The following TTN variants were observed in gnomAD, a reference collection of about 807,000 sequenced individuals.
TTN encodes connectin.
In TTN, 1,525 loss-of-function variants were observed where a neutral mutation model predicts 3,223.0. That is an observed-to-expected ratio of 0.47 (90% CI 0.45 to 0.49). The LOEUF (loss-of-function observed/expected upper bound fraction) is 0.49. Among genes scored for constraint, TTN ranks in the 20% least tolerant of loss-of-function variants. TTN has a pLI of 0.00. For synonymous variants in TTN, 14,094 were observed against 15,161.0 expected (o/e 0.93, Z 5.17); for missense variants, 40,786 against 43,424.0 (o/e 0.94, Z 5.40).
chr2:178,733,190 T>G, intron 54 of TTN, 49 bp downstream of exon 54: 2 of 1,555,924 alleles, frequency 1.3e-6, no homozygotes. Flanking sequence ...TTTAGGCCAT[T>G]TGTTGGGTTT....
At position 178,618,425 on chromosome 2, in the gene TTN, C is replaced by A; in HGVS notation, c.47033G>T (p.Trp15678Leu). 1 of 1,612,472 alleles carries A rather than the reference C, an allele frequency of 6.2e-7. No individual in the cohort carries two copies. The highest frequency in any genetic ancestry group is 8.5e-7 in the Non-Finnish European group (1 of 1,179,132). The stretch of plus-strand genomic sequence containing the variant: ...TCCACCATCAGTTAAAGGTTCTTCC[C>A]AAGCAAGGCTCACTTCACCATCAAA... ...ETFDGEVSLA[W>L]EEPLTDGGSK... The change falls in exon 252 of 363, where the codon TGG becomes TTG. Residue 15678 changes from tryptophan (W) to leucine (L), a missense_variant. Trp to Leu is a moderately conservative substitution (Grantham distance 61, BLOSUM62 -2). Coordinates refer to ENST00000589042, the MANE Select transcript of TTN (RefSeq NM_001267550.2).
Position 178,740,536 on chromosome 2 carries a change from C to T in TTN, c.12697G>A (p.Val4233Ile), listed in dbSNP as rs2082308833. 1 of 1,613,794 alleles carries T rather than the reference C, an allele frequency of 6.2e-7. No homozygotes were observed. The highest frequency in any genetic ancestry group is 8.5e-7 in the Non-Finnish European group (1 of 1,179,812). The part of the protein sequence containing the change: ...HSYLTSVAEE[V>I]LSPKEKTVSD... Reference sequence around the variant, plus strand: ...ACTGTCTTTTCTTTTGGTGAAAGTACTTCCTCAGCCACAGAGGTTAGATAA... The same window carrying T: ...ACTGTCTTTTCTTTTGGTGAAAGTATTTCCTCAGCCACAGAGGTTAGATAA... Residue 4233 changes from valine (V) to isoleucine (I), a missense_variant, in exon 48 of 363, where the codon GTA (valine) becomes ATA (isoleucine). Physicochemically the swap from Val to Ile is conservative, Grantham distance 29. Transcript: ENST00000589042.
At position 178,679,999 on chromosome 2, in the gene TTN, C is replaced by T. The variant is rs2068977836; in HGVS notation, c.33475G>A (p.Val11159Ile). Reference protein sequence around the residue: ...PEEVAFEEEVVTHVEEYLVEE... With the variant: ...PEEVAFEEEVITHVEEYLVEE... ...ACAAGATATTCTTCTACATGGGTTA[C>T]AACTTCCTCTTCAAAGGCAACCTCT... Residue 11159 changes from valine (V) to isoleucine (I), a missense_variant, in exon 140 of 363, where the codon GTA becomes ATA. By Grantham distance (29) the Val-to-Ile change is conservative. Coordinates refer to ENST00000589042, the MANE Select transcript of TTN (RefSeq NM_001267550.2). The T allele has an allele frequency of 6.2e-7, 1 of 1,613,218 alleles. No individual in the cohort carries two copies. Among genetic ancestry groups the T allele is most frequent in the Non-Finnish European group, 8.5e-7 (1 of 1,179,444 alleles).
Position 178,548,877 on chromosome 2 carries a change from C to T in TTN, c.92749G>A (p.Val30917Ile). The change falls in exon 339 of 363, where the codon GTT becomes ATT. Residue 30917 changes from valine (V) to isoleucine (I), a missense_variant. Transcript: ENST00000589042. The surrounding 1 kb of genome is among the most constrained non-coding windows in gnomAD (Gnocchi z 4.3). ...AACTCAGGAGCTGTTAACCGGTCAA[C>T]TGCTTTAATTGTGCCAGTCACTTCA... The part of the protein sequence containing the change: ...SCEVTGTIKA[V>I]DRLTAPELDI... The T allele has an allele frequency of 6.2e-7, 1 of 1,613,778 alleles. No individual in the cohort carries two copies. The highest frequency in any genetic ancestry group is 8.5e-7 in the Non-Finnish European group (1 of 1,179,828).
chr2:178,743,716 C>T (rs377526652), intron 47 of TTN, among the ~76,000 whole-genome samples: 63 of 151,972 alleles, frequency 4.1e-4, no homozygotes, highest in African/African-American at 1.5e-3. Flanking sequence ...CTGAGTTTCT[C>T]GTTAATTTTA....
rs753500475 is a variant in TTN, at chr2:178,678,861, C to T, written c.33743-31G>A. 4 of 1,547,424 alleles carry T rather than the reference C, an allele frequency of 2.6e-6. No homozygotes were observed. The South Asian group carries it at 5.1e-5, about 20-fold the overall frequency. On this transcript the variant is annotated intron_variant, in intron 142 of 362. Coordinates refer to ENST00000589042, the MANE Select transcript of TTN (RefSeq NM_001267550.2). ...AAGATATCAAATAGAGTTAGTGTCA[C>T]ATTTTTTACCCATAGCTAAGATTTT... is the stretch of plus-strand genomic sequence containing the variant.
chr2:178,723,774 AC>A, intron 73 of TTN, 78 bp from the exon 74 acceptor site: 1 of 1,533,302 alleles, frequency 6.5e-7, no homozygotes, highest in Non-Finnish European at 8.7e-7. Flanking sequence ...ACATTAGAGC[AC>A]TTTCAAATGT....
Position 178,757,935 on chromosome 2 carries a change from A to G in TTN, c.10304-19T>C. The G allele has an allele frequency of 6.6e-7, 1 of 1,513,994 alleles. No homozygotes were observed. The highest frequency in any genetic ancestry group is 8.8e-7 in the Non-Finnish European group (1 of 1,132,946). The allele number at this position is 1,513,994 out of a possible 1,614,324, so 93.8% of individuals were successfully genotyped here. On this transcript the variant is annotated intron_variant, in intron 44 of 362. Transcript: ENST00000589042. The stretch of plus-strand genomic sequence containing the variant: ...CTAAATCCTGAAAAGAAGCATACCA[A>G]TTTTTAATGTCTTACCTTGCACTGA...
chr2:178,625,351 C>A lies in TTN; in HGVS notation c.44470G>T (p.Asp14824Tyr). Residue 14824 changes from aspartate (D) to tyrosine (Y), a missense_variant, in exon 241 of 363, where the codon GAT (aspartate) becomes TAT (tyrosine). Physicochemically the swap from Asp to Tyr is radical, Grantham distance 160 (BLOSUM62 -3). Transcript: ENST00000589042. ...EGKVHTLTLRDVKLEDAGEVQ... is the reference protein window; with the variant it reads ...EGKVHTLTLRYVKLEDAGEVQ... ...TCCCCAGCATCTTCTAACTTTACATCCCTCAGAGTAAGTGTATGAACTTTT... is the reference window on the plus strand; with the variant it reads ...TCCCCAGCATCTTCTAACTTTACATACCTCAGAGTAAGTGTATGAACTTTT... 2.5e-6 allele frequency: 4 copies of A among 1,600,908 alleles called. No homozygotes were observed. Among genetic ancestry groups the A allele is most frequent in the Non-Finnish European group, 3.4e-6 (4 of 1,174,528 alleles).
In TTN at chr2:178,641,222, T is replaced by C; in HGVS notation, c.40633+19A>G. The C allele has an allele frequency of 6.8e-7, 1 of 1,460,006 alleles. No individual in the cohort carries two copies. The highest frequency in any genetic ancestry group is 2.5e-5 in the East Asian group (1 of 39,722). The allele number at this position is 1,460,006 out of a possible 1,614,324, so 90.4% of individuals were successfully genotyped here. Reference sequence around the variant, plus strand: ...TTTTGTTAAAAGATAATCTTACAAATTGTCACTGAGATTCCTACCTGCAGG... The same window carrying C: ...TTTTGTTAAAAGATAATCTTACAAACTGTCACTGAGATTCCTACCTGCAGG... On this transcript the variant is annotated intron_variant, in intron 220 of 362. Transcript: ENST00000589042.
chr2:178,586,511 G>C lies in TTN; in HGVS notation c.64390C>G (p.Gln21464Glu). Residue 21464 changes from glutamine (Q) to glutamate (E), a missense_variant, in exon 308 of 363, where the codon CAA becomes GAA. Physicochemically the swap from Gln to Glu is conservative, Grantham distance 29. Transcript: ENST00000589042. ...TGAAGCAAAGACTACTTACACAGTT[G>C]TTCTTTGGCTTCATACACTCCTTCA... ...EAEGVYEAKE[Q>E]LLPPKILMPE... 6.2e-7 allele frequency: 1 copy of C among 1,612,818 alleles called. No individual in the cohort carries two copies. The highest frequency in any genetic ancestry group is 8.5e-7 in the Non-Finnish European group (1 of 1,179,242).
rs587780985 is a variant in TTN at position 178,533,091 on chromosome 2, G to C, written c.103524C>G (p.Val34508=). 9.9e-6 allele frequency: 16 copies of C among 1,613,882 alleles called. No individual in the cohort carries two copies. The highest frequency in any genetic ancestry group is 1.4e-5 in the Non-Finnish European group (16 of 1,179,870). The change falls in exon 358 of 363, where the codon GTC becomes GTG. Residue 34508 remains valine, a synonymous_variant. Coordinates refer to ENST00000589042, the MANE Select transcript of TTN (RefSeq NM_001267550.2). ...VAKEALREAA[V]LYKPAVSTKT... ...TGGTGCTTACAGCCGGTTTATAAAG[G>C]ACAGCAGCTTCTCTCAGAGCCTCTT... is the stretch of plus-strand genomic sequence containing the variant.
rs879200886 is a variant in TTN at position 178,565,377 on chromosome 2, G to T, written c.80755C>A (p.Pro26919Thr). ...PNISWVKDGE[P>T]LKQTTRVNVE... is the part of the protein sequence containing the mutation. ...TTTACTCTTGTTGTCTGTTTAAGAG[G>T]CTCACCATCTTTGACCCAAGAAATG... The change falls in exon 326 of 363, where the codon CCT becomes ACT. Residue 26919 changes from proline to threonine, a missense_variant. Transcript: ENST00000589042. 2.5e-6 allele frequency: 4 copies of T among 1,613,412 alleles called. No individual in the cohort carries two copies. In the African/African-American group the frequency reaches 5.3e-5, roughly 22 times the overall value.
At position 178,784,365 on chromosome 2, in the gene TTN, G is replaced by T; in HGVS notation, c.2494-14C>A. 6.2e-7 allele frequency: 1 copy of T among 1,613,714 alleles called. No homozygotes were observed. The highest frequency in any genetic ancestry group is 1.1e-5 in the South Asian group (1 of 91,064). On this transcript the variant is annotated splice_polypyrimidine_tract_variant and intron_variant, in intron 15 of 362. Transcript: ENST00000589042. Reference sequence around the variant, plus strand: ...GGCTATTGATGCCTACATGGAAACAGAGTCAGAAAATAAAGTCATTTAACC... The same window carrying T: ...GGCTATTGATGCCTACATGGAAACATAGTCAGAAAATAAAGTCATTTAACC...
At chr2:178,792,236 T>G in intron 9 of TTN, 39 bp from the exon 10 acceptor site, 1 of 1,578,128 alleles carries the variant, frequency 6.3e-7, no homozygotes. Context: ...TATTTCCTGA[T>G]GCCCAATGAA....
In TTN at chr2:178,621,120, C is replaced by T. The variant is rs752318420; in HGVS notation, c.45598G>A (p.Ala15200Thr). ...VVMVGAARAA[A>T]HLTVIEKLRI... ...AACTTACCAATGACTGTCAAGTGAGCTGCTGCTCTGGCGGCCCCTACCATG... is the reference window on the plus strand; with the variant it reads ...AACTTACCAATGACTGTCAAGTGAGTTGCTGCTCTGGCGGCCCCTACCATG... The change falls in exon 246 of 363, where the codon GCT becomes ACT. Residue 15200 changes from alanine (A) to threonine (T), a missense_variant. Ala to Thr is a moderately conservative substitution (Grantham distance 58). Transcript: ENST00000589042. 8.7e-6 allele frequency: 14 copies of T among 1,612,226 alleles called. No homozygotes were observed. In the Admixed American group the frequency reaches 2.2e-4, roughly 25 times the overall value.
intron 122 of TTN, 103 bp downstream of exon 122, chr2:178,689,710 A>C: frequency 6.9e-7 from 1 of 1,444,588 alleles, no homozygotes. Flanking sequence ...CTCACCACAA[A>C]ACATTCATTT....
At chr2:178,716,757 A>G (rs923133937) in intron 88 of TTN, among the ~76,000 whole-genome samples, 1 of 152,138 alleles carries the variant, frequency 6.6e-6, no homozygotes, top group Non-Finnish European at 1.5e-5. Flanking sequence ...GTACTGTGGG[A>G]AAAAAGTCAT....
intron 46 of TTN, among the ~76,000 whole-genome samples, chr2:178,754,841 A>G (rs1192385565): frequency 6.6e-6 from 1 of 152,340 alleles, no homozygotes; most frequent in Non-Finnish European, 1.5e-5. Context: ...AATCTCATTA[A>G]GAAAGAATAA....
Sources: gnomAD v4.1 joint callset for allele counts (sites outside exome capture counted in the v4.1 genomes callset) on GRCh38, gnomAD v4.1.1 for gene constraint, Gnocchi (gnomAD v3.1) non-coding constraint, MANE v1.5 for transcripts, NCBI Gene and HGNC (gene_info 2026-07-23, HGNC 2026-07-21) for gene names.